The following CUL4A variants were observed in gnomAD, a reference collection of about 807,000 sequenced individuals.
CUL4A encodes cullin 4A.
In CUL4A, 16 loss-of-function variants were observed where a neutral mutation model predicts 95.5. That is an observed-to-expected ratio of 0.17 (90% CI 0.11 to 0.25). CUL4A has a LOEUF of 0.25. Ranked by LOEUF, CUL4A falls within the 10% of genes least tolerant of loss-of-function variation. CUL4A has a pLI of 1.00. For missense variants in CUL4A, 610 were observed against 937.0 expected, an observed-to-expected ratio of 0.65 and a Z score of 4.56; for synonymous variants, 380 against 353.1, an observed-to-expected ratio of 1.08 and a Z score of -0.85.
intron 10 of CUL4A, 22 bp from the exon 11 acceptor site, chr13:113,242,946 T>C (rs902516576): frequency 9.5e-6 from 15 of 1,583,880 alleles, no homozygotes; most frequent in Non-Finnish European, 1.2e-5. Flanking sequence ...GTTGCTGAGT[T>C]GGTATTGATT....
chr13:113,240,214 T>C (rs1215081971), intron 10 of CUL4A, among the ~76,000 whole-genome samples: 1 of 152,104 alleles, frequency 6.6e-6, no homozygotes, highest in Non-Finnish European at 1.5e-5. Flanking sequence ...TGTTGATGTC[T>C]GGAGACATTT....
Position 113,233,169 on chromosome 13 carries a change from C to G in CUL4A, c.513-8C>G, listed in dbSNP as rs374719471. On this transcript the variant is annotated splice_region_variant and splice_polypyrimidine_tract_variant and intron_variant, in intron 5 of 19. Coordinates refer to ENST00000375440, the MANE Select transcript of CUL4A (RefSeq NM_001008895.4). ...AAAATGTAGTCCTGTTTCTTACTGT[C>G]TATACAGGGATATGGGATTAGAACT... 1 of 1,612,314 alleles carries G rather than the reference C, an allele frequency of 6.2e-7. No individual in the cohort carries two copies. The highest frequency in any genetic ancestry group is 8.5e-7 in the Non-Finnish European group (1 of 1,178,970).
At chr13:113,212,609 C>A (rs1363060531) in intron 2 of CUL4A, among the ~76,000 whole-genome samples, 2 of 152,142 alleles carry the variant, frequency 1.3e-5, no homozygotes, top group South Asian at 2.1e-4. Context: ...CATGGTGAAA[C>A]CCCATCTCTA....
At chr13:113,212,526 T>C (rs1016343861) in intron 2 of CUL4A, among the ~76,000 whole-genome samples, 32 of 152,216 alleles carry the variant, frequency 2.1e-4, no homozygotes, top group African/African-American at 6.8e-4. Context: ...CTCATGCCTG[T>C]AATCCCAGCA....
At position 113,265,567 on chromosome 13, in the gene CUL4A, TG is replaced by T. The variant is rs2139327857; in HGVS notation, c.*1986del. On this transcript the variant is annotated 3_prime_UTR_variant, in exon 20 of 20. Transcript: ENST00000375440. ...CATGCCCAGCTAATATTTGTATTTT[TG>T]TAGAGACGGGGTTTCACTATGTTGG... 1 of 152,400 alleles carries T rather than the reference TG, an allele frequency of 6.6e-6. No homozygotes were observed. Among genetic ancestry groups the T allele is most frequent in the East Asian group, 1.9e-4 (1 of 5,180 alleles). The allele number at this position is 152,400 out of a possible 1,614,324, so 9.4% of individuals were successfully genotyped here.
At chr13:113,244,380 A>G (rs1384205686) in intron 11 of CUL4A, 30 bp from the exon 12 acceptor site, 1 of 1,499,978 alleles carries the variant, frequency 6.7e-7, no homozygotes. Flanking sequence ...TTTCTAGTTT[A>G]GAGTATTTAC....
chr13:113,243,159 C>G lies in CUL4A; in HGVS notation c.1227C>G (p.Ile409Met). The G allele has an allele frequency of 6.3e-7, 1 of 1,586,110 alleles. No individual in the cohort carries two copies. The highest frequency in any genetic ancestry group is 8.6e-7 in the Non-Finnish European group (1 of 1,160,094). ...NKRPNKPAEL[I>M]AKHVDSKLRA... ...GACCCAACAAGCCTGCAGAACTGAT[C>G]GGTAGAAAAATATTTGTTTTTTTTG... Residue 409 changes from isoleucine to methionine, a missense_variant and splice_region_variant, in exon 11 of 20, where the codon ATC (isoleucine) becomes ATG (methionine). Physicochemically the swap from Ile to Met is conservative, Grantham distance 10 (BLOSUM62 1). Transcript: ENST00000375440.
At chr13:113,260,976 A>T (rs2042260428) in intron 19 of CUL4A, among the ~76,000 whole-genome samples, 1 of 152,092 alleles carries the variant, frequency 6.6e-6, no homozygotes, top group Admixed American at 6.6e-5. Context: ...TCTCCTTCCC[A>T]GGGATGGTGC....
At chr13:113,223,583 A>G (rs574727257) in intron 3 of CUL4A, among the ~76,000 whole-genome samples, 7 of 152,196 alleles carry the variant, frequency 4.6e-5, no homozygotes, top group African/African-American at 1.7e-4. Flanking sequence ...TTTTAGTAGA[A>G]ACGGGGTTTC....
intron 2 of CUL4A, among the ~76,000 whole-genome samples, chr13:113,214,894 G>T (rs1657263302): frequency 6.6e-6 from 1 of 152,136 alleles, no homozygotes; most frequent in South Asian, 2.1e-4. Flanking sequence ...AGGTAGCTAT[G>T]TGACTATGGA....
chr13:113,244,814 T>A, intron 12 of CUL4A, 135 bp from the exon 13 acceptor site: 3 of 643,476 alleles, frequency 4.7e-6, no homozygotes, highest in South Asian at 4.0e-5. Context: ...CACTCCAGCC[T>A]GGGCAACAGA....
Position 113,242,978 on chromosome 13 carries a change from C to G in CUL4A, c.1046C>G (p.Thr349Arg). The G allele has an allele frequency of 6.2e-7, 1 of 1,603,566 alleles. No individual in the cohort carries two copies. Among genetic ancestry groups the G allele is most frequent in the Non-Finnish European group, 8.5e-7 (1 of 1,171,522 alleles). Residue 349 changes from threonine (T) to arginine (R), a missense_variant, in exon 11 of 20, where the codon ACA becomes AGA. Transcript: ENST00000375440. ...HWSEYIKTFG[T>R]AIVINPEKDK... The stretch of plus-strand genomic sequence containing the variant: ...GATTTGCTTTTGTAGACTTTTGGAA[C>G]AGCGATCGTAATCAATCCTGAGAAA...
chr13:113,257,322 T>C (rs1194736560), intron 18 of CUL4A, among the ~76,000 whole-genome samples: 1 of 152,248 alleles, frequency 6.6e-6, no homozygotes, highest in African/African-American at 2.4e-5. Context: ...TTTTCTTTTA[T>C]GGTTTCTGAC....
At chr13:113,235,224 G>C (rs1293151399) in intron 8 of CUL4A, 79 bp downstream of exon 8, 3 of 973,986 alleles carry the variant, frequency 3.1e-6, no homozygotes, top group South Asian at 1.4e-5. Flanking sequence ...TGAAATAAAG[G>C]GTGTCTTTGT....
At chr13:113,225,969 A>G (rs2041089400) in intron 3 of CUL4A, among the ~76,000 whole-genome samples, 1 of 152,226 alleles carries the variant, frequency 6.6e-6, no homozygotes, top group East Asian at 1.9e-4. Flanking sequence ...CAAAGCCTCA[A>G]GAAAAAATAG....
chr13:113,208,582 C>G, upstream of CUL4A: 1 of 1,607,174 alleles, frequency 6.2e-7, no homozygotes, highest in Non-Finnish European at 8.5e-7. Flanking sequence ...GCCGCGCGCT[C>G]CCCGGCTAGG....
chr13:113,211,650 G>T (rs955528869), intron 2 of CUL4A, among the ~76,000 whole-genome samples: 1 of 152,214 alleles, frequency 6.6e-6, no homozygotes, highest in Non-Finnish European at 1.5e-5. Context: ...CTCTCAAAGT[G>T]CTGGGTTTAC....
chr13:113,211,798 T>C (rs960377051), intron 2 of CUL4A, among the ~76,000 whole-genome samples: 1 of 152,250 alleles, frequency 6.6e-6, no homozygotes, highest in African/African-American at 2.4e-5. Flanking sequence ...AGAAGTAAGT[T>C]CTCAGGGTCA....
In CUL4A at chr13:113,209,909, G is replaced by A. The variant is rs2139052611; in HGVS notation, c.149-64G>A. ...GGGCGCCGGGGCGCCGGCCGGGTCG[G>A]GGGTGGCTACGCGGGGCGCTTCGCG... is the stretch of plus-strand genomic sequence containing the variant. On this transcript the variant is annotated intron_variant, in intron 1 of 19. Coordinates refer to ENST00000375440, the MANE Select transcript of CUL4A (RefSeq NM_001008895.4). 11 of 1,346,654 alleles carry A rather than the reference G, an allele frequency of 8.2e-6. No homozygotes were observed. In the South Asian group the frequency reaches 1.6e-4, roughly 20 times the overall value. The allele number at this position is 1,346,654 out of a possible 1,614,324, so 83.4% of individuals were successfully genotyped here.
Sources: gnomAD v4.1 joint callset for allele counts (sites outside exome capture counted in the v4.1 genomes callset) on GRCh38, gnomAD v4.1.1 for gene constraint, MANE v1.5 for transcripts, NCBI Gene and HGNC (gene_info 2026-07-23, HGNC 2026-07-21) for gene names.